PHF20: variants seen among roughly 807,000 people sequenced by gnomAD.
PHF20 encodes the protein PHD finger protein 20, also known as glioma-expressed antigen 2.
In PHF20, 23 loss-of-function variants were observed where a neutral mutation model predicts 113.5. That is an observed-to-expected ratio of 0.20 (90% CI 0.15 to 0.29). The LOEUF is 0.29. PHF20 is among the 10% of genes least tolerant of loss of function. The probability of loss-of-function intolerance (pLI) is 1.00; values close to 1 mark genes in which losing one functional copy is unlikely to be tolerated. For missense variants in PHF20, 943 were observed against 1,219.6 expected, an observed-to-expected ratio of 0.77 and a Z score of 3.38; for synonymous variants, 434 against 457.3, an observed-to-expected ratio of 0.95 and a Z score of 0.65.
At chr20:35,918,566 C>T (rs991784282) in intron 13 of PHF20, among the ~76,000 whole-genome samples, 2 of 152,184 alleles carry the variant, frequency 1.3e-5, no homozygotes, top group African/African-American at 2.4e-5. Flanking sequence ...CCTTTGGCCT[C>T]GCCCCAATTT....
rs1212940018 is a variant in PHF20 at position 35,931,084 on chromosome 20, A to C, written c.2105-165A>C. Among the ~76,000 whole-genome samples the C allele has an allele frequency of 2.0e-5, 3 of 152,260 alleles. No individual in the cohort carries two copies. In the East Asian group the frequency reaches 5.8e-4, roughly 29 times the overall value. Reference sequence around the variant, plus strand: ...ATCCCCACTACCTAATAGAGAGCCCAGCATATGGTAGGTGCCAAGAAAATG... The same window carrying C: ...ATCCCCACTACCTAATAGAGAGCCCCGCATATGGTAGGTGCCAAGAAAATG... On this transcript the variant is annotated intron_variant, in intron 14 of 17. Transcript: ENST00000374012.
At chr20:35,893,767 A>C (rs1294731524) in intron 9 of PHF20, among the ~76,000 whole-genome samples, 1 of 151,802 alleles carries the variant, frequency 6.6e-6, no homozygotes, top group Non-Finnish European at 1.5e-5. Context: ...GGCACCTGCC[A>C]CCACGCCCAG....
intron 1 of PHF20, among the ~76,000 whole-genome samples, chr20:35,779,549 A>G (rs1406518336): frequency 1.4e-5 from 2 of 145,508 alleles, no homozygotes; most frequent in Admixed American, 7.0e-5. Context: ...GTTGAGGCGG[A>G]GTCTCACTCT....
At chr20:35,934,333 C>T (rs1455999237) in intron 15 of PHF20, among the ~76,000 whole-genome samples, 1 of 152,142 alleles carries the variant, frequency 6.6e-6, no homozygotes, top group Non-Finnish European at 1.5e-5. Context: ...AACAAGGACC[C>T]CCCACATAGA....
chr20:35,781,344 T>A (rs1006057287), intron 1 of PHF20, among the ~76,000 whole-genome samples: 1 of 149,144 alleles, frequency 6.7e-6, no homozygotes, highest in Non-Finnish European at 1.5e-5. Context: ...GGTTTCACCG[T>A]ATTAGCCAGG....
intron 9 of PHF20, among the ~76,000 whole-genome samples, chr20:35,873,923 C>T (rs1264247169): frequency 1.3e-5 from 2 of 152,166 alleles, no homozygotes; most frequent in East Asian, 1.9e-4. Context: ...TTGTAGTTGT[C>T]ACATGAATTA....
intron 10 of PHF20, among the ~76,000 whole-genome samples, chr20:35,900,678 T>C (rs1381276994): frequency 6.6e-6 from 1 of 151,970 alleles, no homozygotes; most frequent in Non-Finnish European, 1.5e-5. Context: ...CTACTAAATA[T>C]ACAAAAAAAT....
At chr20:35,849,605 C>T (rs1278435406) in intron 4 of PHF20, 1 of 436,908 alleles carries the variant, frequency 2.3e-6, no homozygotes, top group East Asian at 7.1e-5. Context: ...TGTGCTTCAT[C>T]ACGATTCACT....
chr20:35,841,672 A>G (rs1320869742), intron 2 of PHF20, among the ~76,000 whole-genome samples: 1 of 152,030 alleles, frequency 6.6e-6, no homozygotes, highest in African/African-American at 2.4e-5. Context: ...CAGGAAGCTG[A>G]GGCAGGAGAA....
At chr20:35,804,080 T>G (rs910560576) in intron 2 of PHF20, among the ~76,000 whole-genome samples, 4 of 151,934 alleles carry the variant, frequency 2.6e-5, no homozygotes, top group Admixed American at 6.6e-5. Flanking sequence ...TTTGTTTGTT[T>G]GTTTATTTAT....
chr20:35,831,807 A>G (rs769545966), intron 2 of PHF20, among the ~76,000 whole-genome samples: 1 of 152,116 alleles, frequency 6.6e-6, no homozygotes, highest in African/African-American at 2.4e-5. Flanking sequence ...AACGTTCTTC[A>G]TGTCATTGCC....
intron 1 of PHF20, among the ~76,000 whole-genome samples, chr20:35,797,487 C>G (rs1208188021): frequency 1.4e-5 from 2 of 145,940 alleles, no homozygotes; most frequent in Non-Finnish European, 3.0e-5. Flanking sequence ...GCACTCCAGT[C>G]TGGGCGACAG....
chr20:35,884,222 C>T (rs1213028302), intron 9 of PHF20, among the ~76,000 whole-genome samples: 1 of 152,158 alleles, frequency 6.6e-6, no homozygotes, highest in Non-Finnish European at 1.5e-5. Flanking sequence ...AGCCAGGTCC[C>T]TGGAAGCTGG....
chr20:35,772,662 C>T (rs1033296008), intron 1 of PHF20, among the ~76,000 whole-genome samples: 7 of 152,028 alleles, frequency 4.6e-5, no homozygotes, highest in Non-Finnish European at 8.8e-5. Flanking sequence ...CCCTCCCCCC[C>T]CCAAATTTAG....
chr20:35,919,910 A>G (rs1481073587), intron 13 of PHF20, among the ~76,000 whole-genome samples: 1 of 152,266 alleles, frequency 6.6e-6, no homozygotes, highest in Non-Finnish European at 1.5e-5. Context: ...GCAAAAGCCC[A>G]TAAACCCACA....
intron 1 of PHF20, among the ~76,000 whole-genome samples, chr20:35,785,937 C>T (rs989078495): frequency 1.3e-5 from 2 of 149,552 alleles, no homozygotes; most frequent in Non-Finnish European, 3.0e-5. Context: ...GAGGCTGAGG[C>T]AGGAGAATCG....
At chr20:35,892,010 C>A (rs941799393) in intron 9 of PHF20, among the ~76,000 whole-genome samples, 1 of 151,912 alleles carries the variant, frequency 6.6e-6, no homozygotes, top group Non-Finnish European at 1.5e-5. Flanking sequence ...GCTGGGATTA[C>A]AGGCATCCGC....
intron 2 of PHF20, among the ~76,000 whole-genome samples, chr20:35,821,279 C>CA (rs2042163425): frequency 6.6e-6 from 1 of 151,500 alleles, no homozygotes; most frequent in Admixed American, 6.6e-5. Context: ...ACTAAAAATA[C>CA]AAAAAATTAG....
chr20:35,926,394 C>A, intron 13 of PHF20, among the ~76,000 whole-genome samples: 1 of 151,358 alleles, frequency 6.6e-6, no homozygotes, highest in Middle Eastern at 3.4e-3. Flanking sequence ...CCCGCCACCA[C>A]GCCCGGCTAA....
Sources: allele counts gnomAD v4.1 joint callset (sites outside exome capture counted in the v4.1 genomes callset), GRCh38; gene constraint gnomAD v4.1.1; transcripts MANE v1.5; gene names NCBI Gene and HGNC (gene_info 2026-07-23, HGNC 2026-07-21).